PRDM16: variants seen among roughly 807,000 people sequenced by gnomAD.
PRDM16 encodes the protein histone-lysine N-methyltransferase PRDM16.
A neutral mutation model predicts 110.6 loss-of-function variants in PRDM16; 23 were observed. That is an observed-to-expected ratio of 0.21 (90% CI 0.15 to 0.29). PRDM16 has a LOEUF of 0.29. PRDM16 is among the 10% of genes least tolerant of loss of function. The pLI is 1.00. For missense variants in PRDM16, 1,615 were observed against 1,794.3 expected (o/e 0.90, Z 1.81); for synonymous variants, 799 against 781.8 (o/e 1.02, Z -0.37).
intron 3 of PRDM16, among the ~76,000 whole-genome samples, chr1:3,375,835 G>T (rs896306638): frequency 6.6e-6 from 1 of 152,226 alleles, no homozygotes. Flanking sequence ...CTGGGAGGTC[G>T]CTCCCCACCC....
At chr1:3,203,829 A>T (rs1453779146) in intron 2 of PRDM16, among the ~76,000 whole-genome samples, 1 of 152,218 alleles carries the variant, frequency 6.6e-6, no homozygotes, top group Non-Finnish European at 1.5e-5. Context: ...TGAAGGCTTC[A>T]GCAGGTGAAT....
chr1:3,391,401 C>T lies in PRDM16; in HGVS notation c.574-5090C>T, dbSNP rs1046366710. ...TTAAATTCAACTGTGCCGTCTGAAC[C>T]GCTACGCAAACCACCTGTCAGGATT... On this transcript the variant is annotated intron_variant, in intron 4 of 16. Transcript: ENST00000270722. Among the ~76,000 whole-genome samples, 7 of 152,306 alleles carry T rather than the reference C, an allele frequency of 4.6e-5. No individual in the cohort carries two copies. The South Asian group carries it at 8.3e-4, about 18-fold the overall frequency.
Position 3,388,043 on chromosome 1 carries a change from A to G in PRDM16, c.573+2757A>G, listed in dbSNP as rs911268642. On this transcript the variant is annotated intron_variant, in intron 4 of 16. Transcript: ENST00000270722. ...AACGTGGGTTCCTGCAAAGCAACCT[A>G]TTTGACCCTATGCGGAGCTAAAATA... is the stretch of plus-strand genomic sequence containing the variant. 5.9e-5 allele frequency among the ~76,000 whole-genome samples: 9 copies of G among 152,234 alleles called. No homozygotes were observed. In the East Asian group the frequency reaches 1.7e-3, roughly 29 times the overall value.
rs113371189 is a variant in PRDM16, at chr1:3,334,892, C to T, written c.439-50260C>T. Among the ~76,000 whole-genome samples the T allele has an allele frequency of 7.5e-4, 114 of 152,364 alleles. No individual in the cohort carries two copies. In the Middle Eastern group the frequency reaches 0.014, roughly 18 times the overall value. On this transcript the variant is annotated intron_variant, in intron 3 of 16. Coordinates refer to ENST00000270722, the MANE Select transcript of PRDM16 (RefSeq NM_022114.4). ...GAGGAAACAAGGCCCCTGAGGTCGCCAACTAGGATCAGCAATGGCCTGCGC... is the reference window on the plus strand; with the variant it reads ...GAGGAAACAAGGCCCCTGAGGTCGCTAACTAGGATCAGCAATGGCCTGCGC...
At chr1:3,385,386 C>A in intron 4 of PRDM16, 100 bp downstream of exon 4, 1 of 1,343,134 alleles carries the variant, frequency 7.4e-7, no homozygotes, top group Non-Finnish European at 1.1e-6. Context: ...GTTGTCTGAG[C>A]CTCTTTGGGG....
intron 3 of PRDM16, among the ~76,000 whole-genome samples, chr1:3,381,974 A>AG (rs970562381): frequency 1.3e-5 from 2 of 152,030 alleles, no homozygotes; most frequent in African/African-American, 4.8e-5. Flanking sequence ...GTGGTGAGGG[A>AG]GGGGGGGCCT....
chr1:3,411,942 G>T lies in PRDM16; in HGVS notation c.1745G>T (p.Arg582Leu). The change falls in exon 9 of 17, where the codon CGC (arginine) becomes CTC (leucine). Residue 582 changes from arginine to leucine, a missense_variant. Around this residue, in one of 5 missense-constraint regions of PRDM16, gnomAD observed 772 missense variants for 748.3 expected, o/e 1.03. Coordinates refer to ENST00000270722, the MANE Select transcript of PRDM16 (RefSeq NM_022114.4). ...GGGCCCGAGGAGAAGTTCGAGAGCCGCCTGGAGGACTCCTGTGTGGAGAAG... is the reference window on the plus strand; with the variant it reads ...GGGCCCGAGGAGAAGTTCGAGAGCCTCCTGGAGGACTCCTGTGTGGAGAAG... ...AAGPEEKFESRLEDSCVEKLK... is the reference protein window; with the variant it reads ...AAGPEEKFESLLEDSCVEKLK... 6.2e-7 allele frequency: 1 copy of T among 1,613,698 alleles called. No homozygotes were observed. Among genetic ancestry groups the T allele is most frequent in the Non-Finnish European group, 8.5e-7 (1 of 1,179,956 alleles).
At chr1:3,158,172 C>T (rs1426206434) in intron 1 of PRDM16, among the ~76,000 whole-genome samples, 3 of 152,164 alleles carry the variant, frequency 2.0e-5, no homozygotes, top group African/African-American at 7.2e-5. Context: ...TTGCCACCAT[C>T]CCCGTAACGG....
At chr1:3,254,018 T>G (rs1452575744) in intron 3 of PRDM16, among the ~76,000 whole-genome samples, 1 of 152,362 alleles carries the variant, frequency 6.6e-6, no homozygotes, top group South Asian at 2.1e-4. Context: ...TTTTGAGAAG[T>G]GTCTGTTCAT....
chr1:3,181,084 ACGGCCTTACACACG>A (rs1644156156), intron 1 of PRDM16, among the ~76,000 whole-genome samples: 1 of 123,622 alleles, frequency 8.1e-6, no homozygotes, highest in East Asian at 2.7e-4. Context: ...GGTCTTACAC[ACGGCCTTACACACG>A]CAGTCTTACA....
In PRDM16 at chr1:3,158,770, CTTTCCTTCTT is replaced by C. The variant is rs1410240775; in HGVS notation, c.38-27351_38-27342del. On this transcript the variant is annotated intron_variant, in intron 1 of 16. Coordinates refer to ENST00000270722, the MANE Select transcript of PRDM16 (RefSeq NM_022114.4). ...TTTTCTTTCTTTCTTTCTTTCTTTTCTTTCCTTCTTTTTTTTTTTTTGAGACAGAGTCTTG... is the reference window on the plus strand; with the variant it reads ...TTTTCTTTCTTTCTTTCTTTCTTTTCTTTTTTTTTTTGAGACAGAGTCTTG... 7.7e-5 allele frequency among the ~76,000 whole-genome samples: 9 copies of C among 116,642 alleles called. No homozygotes were observed. In the Admixed American group the frequency reaches 8.0e-4, roughly 10 times the overall value. 76.5% of individuals were successfully genotyped at this position (116,642 alleles called of 152,430 possible). A position where few individuals can be genotyped will look rare whatever the true frequency, so the allele number is the denominator to read the frequency against.
At chr1:3,234,243 T>C (rs1639487984) in intron 2 of PRDM16, among the ~76,000 whole-genome samples, 1 of 152,146 alleles carries the variant, frequency 6.6e-6, no homozygotes, top group Non-Finnish European at 1.5e-5. Flanking sequence ...TCCTCTCCAG[T>C]ATGGTCACCA....
intron 8 of PRDM16, among the ~76,000 whole-genome samples, chr1:3,408,149 C>T (rs1483244897): frequency 6.6e-6 from 1 of 152,196 alleles, no homozygotes; most frequent in Non-Finnish European, 1.5e-5. Context: ...CAGGAGAGGT[C>T]ACAGCTGCGC....
chr1:3,096,923 G>A (rs923400965), intron 1 of PRDM16, among the ~76,000 whole-genome samples: 10 of 152,306 alleles, frequency 6.6e-5, no homozygotes, highest in South Asian at 2.1e-4. Context: ...AGGTGATTTC[G>A]TGCCCATTTA....
chr1:3,153,647 G>A (rs954231182), intron 1 of PRDM16, among the ~76,000 whole-genome samples: 11 of 152,188 alleles, frequency 7.2e-5, no homozygotes, highest in Admixed American at 4.6e-4. Context: ...TCACCCTTCC[G>A]GAAAAGGCAG....
intron 1 of PRDM16, among the ~76,000 whole-genome samples, chr1:3,147,939 C>G (rs551656851): frequency 6.6e-6 from 1 of 152,316 alleles, no homozygotes; most frequent in East Asian, 1.9e-4. Flanking sequence ...CCCCTCACTG[C>G]GCTGACAGTC....
chr1:3,404,993 C>T (rs1410272843), intron 7 of PRDM16, 107 bp downstream of exon 7: 24 of 1,274,378 alleles, frequency 1.9e-5, no homozygotes, highest in Admixed American at 1.3e-4. Flanking sequence ...AGATGGAGTG[C>T]GGCAGAGTGG....
chr1:3,313,184 C>G (rs1000131910), intron 3 of PRDM16, among the ~76,000 whole-genome samples: 3 of 152,244 alleles, frequency 2.0e-5, no homozygotes, highest in Non-Finnish European at 1.5e-5. Context: ...CCGCCTCATC[C>G]ACAGGCCGGC....
chr1:3,155,608 G>C (rs1643848297), intron 1 of PRDM16, among the ~76,000 whole-genome samples: 1 of 152,276 alleles, frequency 6.6e-6, no homozygotes. Flanking sequence ...AGGGCCGCAG[G>C]CTCCCAGCAC....
Sources: allele counts gnomAD v4.1 joint callset (sites outside exome capture counted in the v4.1 genomes callset), GRCh38; gene constraint gnomAD v4.1.1; regional missense constraint gnomAD v4.1.1; transcripts MANE v1.5; gene names NCBI Gene and HGNC (gene_info 2026-07-23, HGNC 2026-07-21).